TPR: variants seen among roughly 807,000 people sequenced by gnomAD.
TPR encodes nucleoprotein TPR.
In TPR, 51 loss-of-function variants were observed where a neutral mutation model predicts 316.1. The observed-to-expected ratio is 0.16, with a 90% confidence interval of 0.13 to 0.20. The LOEUF is 0.20. Among genes scored for constraint, TPR ranks in the 10% least tolerant of loss-of-function variants. TPR has a pLI of 1.00. For synonymous variants in TPR, 981 were observed against 914.7 expected, an observed-to-expected ratio of 1.07 and a Z score of -1.31; for missense variants, 2,272 against 2,754.8, an observed-to-expected ratio of 0.82 and a Z score of 3.92.
intron 4 of TPR, among the ~76,000 whole-genome samples, chr1:186,365,092 AGGGGCTGCCC>A: frequency 7.5e-6 from 1 of 133,110 alleles, no homozygotes; most frequent in African/African-American, 2.9e-5. Flanking sequence ...TTGCTAGTAA[AGGGGCTGCCC>A]TTTTTTTTTT....
At position 186,336,624 on chromosome 1, in the gene TPR, G is replaced by A; in HGVS notation, c.4577C>T (p.Ser1526Leu). Residue 1526 changes from serine to leucine, a missense_variant, in exon 33 of 51, where the codon TCA becomes TTA. Physicochemically the swap from Ser to Leu is moderately radical, Grantham distance 145. Around this residue, in one of 10 missense-constraint regions of TPR, gnomAD observed 101 missense variants for 113.0 expected, o/e 0.89. Coordinates refer to ENST00000367478, the MANE Select transcript of TPR (RefSeq NM_003292.3). ...ATCTTGAAGATCCTGACGAAGTCGT[G>A]AAAGTTCAGACTGAAGTTGCACAGT... ...EQTVQLQSELSRLRQDLQDRT... is the reference protein window; with the variant it reads ...EQTVQLQSELLRLRQDLQDRT... 1.9e-6 allele frequency: 3 copies of A among 1,613,844 alleles called. No individual in the cohort carries two copies. The highest frequency in any genetic ancestry group is 1.7e-6 in the Non-Finnish European group (2 of 1,179,892).
At chr1:186,369,095 T>A (rs1392806798) in intron 3 of TPR, among the ~76,000 whole-genome samples, 1 of 152,204 alleles carries the variant, frequency 6.6e-6, no homozygotes, top group Non-Finnish European at 1.5e-5. Flanking sequence ...TCTATTCTAT[T>A]CCATTGGTCA....
Position 186,341,024 on chromosome 1 carries a change from T to C in TPR, c.4020+4A>G. The C allele has an allele frequency of 6.2e-7, 1 of 1,611,598 alleles. No individual in the cohort carries two copies. Among genetic ancestry groups the C allele is most frequent in the Admixed American group, 1.7e-5 (1 of 59,404 alleles). On this transcript the variant is annotated splice_donor_region_variant and intron_variant, in intron 29 of 50. Coordinates refer to ENST00000367478, the MANE Select transcript of TPR (RefSeq NM_003292.3). ...TGTTTTGGAAGAGTTTTAACTGCATTTACCTGGTTACGTGCTTTCCAACGT... is the reference window on the plus strand; with the variant it reads ...TGTTTTGGAAGAGTTTTAACTGCATCTACCTGGTTACGTGCTTTCCAACGT...
At chr1:186,359,747 T>C in intron 12 of TPR, 52 bp downstream of exon 12, 1 of 1,531,920 alleles carries the variant, frequency 6.5e-7, no homozygotes, top group Non-Finnish European at 8.7e-7. Flanking sequence ...ACCTAGTAAA[T>C]CATTTCTCAT....
At chr1:186,326,310 C>T in intron 40 of TPR, 75 bp from the exon 41 acceptor site, 2 of 1,530,506 alleles carry the variant, frequency 1.3e-6, no homozygotes, top group South Asian at 2.4e-5. Context: ...AGATACCACA[C>T]TTAGAAATTT....
Position 186,373,393 on chromosome 1 carries a change from C to T in TPR, c.222G>A (p.Glu74=). 6.2e-7 allele frequency: 1 copy of T among 1,613,546 alleles called. No individual in the cohort carries two copies. The highest frequency in any genetic ancestry group is 8.5e-7 in the Non-Finnish European group (1 of 1,179,698). Reference sequence around the variant, plus strand: ...CTAGCTCAAGCCGCAAGCTTTGACACTCTCGGGTTTCATTCACAAGTCTCT... The same window carrying T: ...CTAGCTCAAGCCGCAAGCTTTGACATTCTCGGGTTTCATTCACAAGTCTCT... ...SQERLVNETR[E]CQSLRLELEK... is the part of the protein sequence containing the mutation. The change falls in exon 2 of 51, where the codon GAG becomes GAA. Residue 74 remains glutamate, a synonymous_variant. Coordinates refer to ENST00000367478, the MANE Select transcript of TPR (RefSeq NM_003292.3).
chr1:186,369,570 T>C (rs1275574119), intron 3 of TPR, among the ~76,000 whole-genome samples: 2 of 152,160 alleles, frequency 1.3e-5, no homozygotes, highest in Non-Finnish European at 2.9e-5. Flanking sequence ...GAAATGCTAC[T>C]AGATTTTTTA....
At chr1:186,332,648 G>A (rs1658201169) in intron 37 of TPR, among the ~76,000 whole-genome samples, 1 of 152,058 alleles carries the variant, frequency 6.6e-6, no homozygotes, top group Non-Finnish European at 1.5e-5. Context: ...GTATTACTAT[G>A]TTGTTATCTA....
intron 21 of TPR, among the ~76,000 whole-genome samples, chr1:186,349,913 A>C (rs887515338): frequency 1.3e-5 from 2 of 152,164 alleles, no homozygotes; most frequent in African/African-American, 4.8e-5. Context: ...CCGGGTTAAA[A>C]AATCAAATAA....
At chr1:186,336,748 T>C (rs1658351067) in intron 32 of TPR, 54 bp from the exon 33 acceptor site, 1 of 1,536,546 alleles carries the variant, frequency 6.5e-7, no homozygotes, top group African/African-American at 1.4e-5. Context: ...CAATATAAAC[T>C]GTATGTGGTA....
chr1:186,355,694 C>G lies in TPR; in HGVS notation c.1963G>C (p.Ala655Pro), dbSNP rs924824232. The G allele has an allele frequency of 1.2e-6, 2 of 1,614,032 alleles. No homozygotes were observed. The highest frequency in any genetic ancestry group is 8.5e-7 in the Non-Finnish European group (1 of 1,179,998). ...PSTSQTVSTP[A>P]PVPVIESTEA... ...GTTGATTCAATAACAGGTACTGGAG[C>G]AGGAGTGGAAACAGTCTGTGATGTA... Residue 655 changes from alanine to proline, a missense_variant, in exon 16 of 51, where the codon GCT becomes CCT. Transcript: ENST00000367478.
intron 4 of TPR, among the ~76,000 whole-genome samples, chr1:186,366,603 CAT>C (rs1378873164): frequency 6.6e-6 from 1 of 152,060 alleles, no homozygotes; most frequent in Non-Finnish European, 1.5e-5. Flanking sequence ...TTGTTTCTGC[CAT>C]AGTTAATTAC....
At chr1:186,314,598 A>G (rs766348635) in intron 50 of TPR, 31 bp downstream of exon 50, 5 of 1,530,040 alleles carry the variant, frequency 3.3e-6, no homozygotes, top group East Asian at 2.3e-5. Flanking sequence ...TCCACATTCT[A>G]TCATGTAATC....
chr1:186,337,949 T>C (rs1019609584), intron 31 of TPR, 84 bp downstream of exon 31: 41 of 1,123,130 alleles, frequency 3.7e-5, no homozygotes, highest in Non-Finnish European at 4.9e-5. Flanking sequence ...ATCTAAAAGC[T>C]AGTAATATTC....
At chr1:186,351,660 G>A (rs1571626066) in intron 19 of TPR, among the ~76,000 whole-genome samples, 190 bp from the exon 20 acceptor site, 1 of 152,046 alleles carries the variant, frequency 6.6e-6, no homozygotes, top group East Asian at 1.9e-4. Flanking sequence ...GAAAGAGATG[G>A]AATGTATTAT....
rs1344311108 is a variant in TPR, at chr1:186,350,204, G to C, written c.2776+19C>G. On this transcript the variant is annotated intron_variant, in intron 21 of 50. Coordinates refer to ENST00000367478, the MANE Select transcript of TPR (RefSeq NM_003292.3). ...TACTTGTTTATTTACAATTATATTG[G>C]TCTACTTATTTTATTTACCTTTACC... 6.3e-7 allele frequency: 1 copy of C among 1,583,164 alleles called. No individual in the cohort carries two copies. The highest frequency in any genetic ancestry group is 8.6e-7 in the Non-Finnish European group (1 of 1,167,038).
intron 20 of TPR, 86 bp from the exon 21 acceptor site, chr1:186,350,474 C>A: frequency 2.0e-6 from 2 of 1,024,440 alleles, no homozygotes; most frequent in Non-Finnish European, 2.7e-6. Context: ...CTTTGGAGCT[C>A]GGCCAAGAGA....
chr1:186,352,883 G>A (rs1356346778), intron 18 of TPR, among the ~76,000 whole-genome samples: 2 of 152,082 alleles, frequency 1.3e-5, no homozygotes, highest in African/African-American at 4.8e-5. Flanking sequence ...TAGCTTACAA[G>A]TAATGATCAA....
chr1:186,312,269 G>A lies in TPR; in HGVS notation c.*1702C>T, dbSNP rs565193791. ...TAAATTATCCAGTGTATGGAGAAAC[G>A]ACACAGGTTAGGAGACGTCGCTTTG... is the stretch of plus-strand genomic sequence containing the variant. On this transcript the variant is annotated 3_prime_UTR_variant, in exon 51 of 51. Coordinates refer to ENST00000367478, the MANE Select transcript of TPR (RefSeq NM_003292.3). The A allele has an allele frequency of 6.2e-6, 10 of 1,613,978 alleles. No homozygotes were observed. Among genetic ancestry groups the A allele is most frequent in the African/African-American group, 2.7e-5 (2 of 75,018 alleles).
Sources: gnomAD v4.1 joint callset for allele counts (sites outside exome capture counted in the v4.1 genomes callset) on GRCh38, gnomAD v4.1.1 for gene constraint, gnomAD v4.1.1 regional missense constraint, MANE v1.5 for transcripts, NCBI Gene and HGNC (gene_info 2026-07-23, HGNC 2026-07-21) for gene names.